The following IQGAP1 variants were observed in gnomAD, a reference collection of about 807,000 sequenced individuals.
IQGAP1 encodes IQ motif containing GTPase activating protein 1, also known as ras GTPase-activating-like protein IQGAP1.
Under a neutral mutation model 215.6 loss-of-function variants are expected in IQGAP1, and 66 were observed. That is an observed-to-expected ratio of 0.31 (90% CI 0.25 to 0.38). The LOEUF is 0.38. Among genes scored for constraint, IQGAP1 ranks in the 10% least tolerant of loss-of-function variants. IQGAP1 has a pLI of 1.00. For missense variants in IQGAP1, 1,712 were observed against 1,997.1 expected, an observed-to-expected ratio of 0.86 and a Z score of 2.72; for synonymous variants, 772 against 728.7, an observed-to-expected ratio of 1.06 and a Z score of -0.96.
In IQGAP1 at chr15:90,494,731, G is replaced by A. The variant is rs2151040511; in HGVS notation, c.4647G>A (p.Arg1549=). ...TTTACAGAGTCTCCAAAAAGCCTAG[G>A]GAAATGAAAGGAAAGAAAAGCAAAA... ...ASKGKVSKKP[R]EMKGKKSKKI... The change falls in exon 36 of 38, where the codon AGG becomes AGA. Residue 1549 remains arginine, a synonymous_variant. Coordinates refer to ENST00000268182, the MANE Select transcript of IQGAP1 (RefSeq NM_003870.4). 1.2e-6 allele frequency: 2 copies of A among 1,609,100 alleles called. No homozygotes were observed. Among genetic ancestry groups the A allele is most frequent in the Non-Finnish European group, 8.5e-7 (1 of 1,177,384 alleles).
rs1465765357 is a variant in IQGAP1 at position 90,426,227 on chromosome 15, C to G, written c.273C>G (p.Ser91=). 1 of 1,601,462 alleles carries G rather than the reference C, an allele frequency of 6.2e-7. No individual in the cohort carries two copies. Among genetic ancestry groups the G allele is most frequent in the East Asian group, 2.3e-5 (1 of 44,086 alleles). ...ACTTCTTCTCTCCCAAAGTAGTGTCCCTGAAAAAAATCTATGATCGAGAAC... is the reference window on the plus strand; with the variant it reads ...ACTTCTTCTCTCCCAAAGTAGTGTCGCTGAAAAAAATCTATGATCGAGAAC... ...LGNFFSPKVV[S]LKKIYDREQT... is the part of the protein sequence containing the mutation. The change falls in exon 3 of 38, where the codon TCC becomes TCG. Residue 91 remains serine, a synonymous_variant. Transcript: ENST00000268182.
chr15:90,447,341 T>G (rs1483701347), intron 9 of IQGAP1, among the ~76,000 whole-genome samples: 1 of 152,170 alleles, frequency 6.6e-6, no homozygotes, highest in East Asian at 1.9e-4. Context: ...TCTTCCGCCC[T>G]TTTTTTAAAT....
At position 90,390,765 on chromosome 15, in the gene IQGAP1, A is replaced by T; in HGVS notation, c.56-9A>T. 6.3e-7 allele frequency: 1 copy of T among 1,576,136 alleles called. No individual in the cohort carries two copies. The highest frequency in any genetic ancestry group is 1.1e-5 in the South Asian group (1 of 90,268). On this transcript the variant is annotated splice_polypyrimidine_tract_variant and intron_variant, in intron 1 of 37. Coordinates refer to ENST00000268182, the MANE Select transcript of IQGAP1 (RefSeq NM_003870.4). Reference sequence around the variant, plus strand: ...TCCTGGTGTTTACATTCTTTCTTTTATGTTGTAGCTGTCCTGGATAATGAA... The same window carrying T: ...TCCTGGTGTTTACATTCTTTCTTTTTTGTTGTAGCTGTCCTGGATAATGAA...
At position 90,466,922 on chromosome 15, in the gene IQGAP1, T is replaced by C. The variant is rs1222044687; in HGVS notation, c.2035+486T>C. ...GCCTGGCCAACATGGTAAAACCCTGTCTCTACTAAAAATACAAAAATTAGC... is the reference window on the plus strand; with the variant it reads ...GCCTGGCCAACATGGTAAAACCCTGCCTCTACTAAAAATACAAAAATTAGC... On this transcript the variant is annotated intron_variant, in intron 17 of 37. Transcript: ENST00000268182. 6.6e-5 allele frequency among the ~76,000 whole-genome samples: 10 copies of C among 152,200 alleles called. No homozygotes were observed. The South Asian group carries it at 1.5e-3, about 22-fold the overall frequency.
rs147352485 is a variant in IQGAP1 at position 90,390,920 on chromosome 15, A to G, written c.155+47A>G. The G allele has an allele frequency of 5.6e-5, 61 of 1,091,400 alleles. 1 individual carries two copies. In the Middle Eastern group the frequency reaches 5.9e-4, roughly 11 times the overall value. 67.6% of individuals were successfully genotyped at this position (1,091,400 alleles called of 1,614,324 possible). A position where few individuals can be genotyped will look rare whatever the true frequency, so the allele number is the denominator to read the frequency against. The stretch of plus-strand genomic sequence containing the variant: ...AGAAGATTAAGAGAAGGGAACTGAT[A>G]ATAGTGTGAATACAAATAAAGATTG... On this transcript the variant is annotated intron_variant, in intron 2 of 37. Transcript: ENST00000268182.
intron 34 of IQGAP1, among the ~76,000 whole-genome samples, 166 bp from the exon 35 acceptor site, chr15:90,492,379 C>T (rs986860980): frequency 8.3e-5 from 12 of 145,016 alleles, no homozygotes; most frequent in Admixed American, 1.4e-4. Flanking sequence ...TACAGGAAGC[C>T]GTCAACCACT....
At chr15:90,390,108 T>C (rs1000068030) in intron 1 of IQGAP1, among the ~76,000 whole-genome samples, 2 of 151,308 alleles carry the variant, frequency 1.3e-5, no homozygotes, top group Non-Finnish European at 2.9e-5. Flanking sequence ...AAGAGGAGAG[T>C]TTCCAAAAAT....
chr15:90,414,012 C>T (rs537210031), intron 2 of IQGAP1, among the ~76,000 whole-genome samples: 15 of 152,248 alleles, frequency 9.9e-5, no homozygotes, highest in African/African-American at 3.6e-4. Flanking sequence ...CCCTCCTTCA[C>T]GTGTTCTTTT....
chr15:90,416,903 A>G (rs941151512), intron 2 of IQGAP1, among the ~76,000 whole-genome samples: 1 of 152,004 alleles, frequency 6.6e-6, no homozygotes, highest in African/African-American at 2.4e-5. Flanking sequence ...AATGATCACT[A>G]TTCTAACTGG....
Position 90,452,804 on chromosome 15 carries a change from G to T in IQGAP1, c.1192G>T (p.Ala398Ser), listed in dbSNP as rs781205005. 6.2e-7 allele frequency: 1 copy of T among 1,614,116 alleles called. No homozygotes were observed. Among genetic ancestry groups the T allele is most frequent in the East Asian group, 2.2e-5 (1 of 44,892 alleles). Reference protein sequence around the residue: ...RLAAVALINAAIQKGVAEKTV... With the variant: ...RLAAVALINASIQKGVAEKTV... The stretch of plus-strand genomic sequence containing the variant: ...GGCAGCAGTAGCACTGATTAATGCT[G>T]CAATCCAGAAGGGTGTTGCTGAGAA... Residue 398 changes from alanine (A) to serine (S), a missense_variant, in exon 12 of 38, where the codon GCA becomes TCA. Physicochemically the swap from Ala to Ser is moderately conservative, Grantham distance 99 (BLOSUM62 1). This residue lies in a region of IQGAP1 where 1,021 missense variants were observed against 1,074.2 expected (regional missense o/e 0.95). Transcript: ENST00000268182.
chr15:90,472,961 C>T lies in IQGAP1; in HGVS notation c.2300C>T (p.Ser767Phe), dbSNP rs759122905. The change falls in exon 19 of 38, where the codon TCC (serine) becomes TTC (phenylalanine). Residue 767 changes from serine to phenylalanine, a missense_variant. Transcript: ENST00000268182. ...TACTTAGTTCGACAGGAATTCCGAT[C>T]CAGGATGAATTTCCTGAAGAAACAA... ...RGYLVRQEFR[S>F]RMNFLKKQIP... 6 of 1,613,922 alleles carry T rather than the reference C, an allele frequency of 3.7e-6. No homozygotes were observed. The South Asian group carries it at 6.6e-5, about 18-fold the overall frequency.
In IQGAP1 at chr15:90,477,875, G is replaced by T; in HGVS notation, c.3315G>T (p.Gln1105His). ...YKSWVNQMESQTGEASKLPYD... is the reference protein window; with the variant it reads ...YKSWVNQMESHTGEASKLPYD... Reference sequence around the variant, plus strand: ...CTTGGGTTAATCAGATGGAGTCTCAGACAGGAGAGGCAAGGTATGTTAACC... The same window carrying T: ...CTTGGGTTAATCAGATGGAGTCTCATACAGGAGAGGCAAGGTATGTTAACC... Residue 1105 changes from glutamine to histidine, a missense_variant, in exon 26 of 38, where the codon CAG becomes CAT. Around this residue, in one of 2 missense-constraint regions of IQGAP1, gnomAD observed 691 missense variants for 923.0 expected, o/e 0.75. Coordinates refer to ENST00000268182, the MANE Select transcript of IQGAP1 (RefSeq NM_003870.4). The T allele has an allele frequency of 1.2e-6, 2 of 1,605,492 alleles. No homozygotes were observed. Among genetic ancestry groups the T allele is most frequent in the South Asian group, 2.2e-5 (2 of 90,886 alleles).
At chr15:90,448,482 C>G (rs1567129661) in intron 9 of IQGAP1, 91 bp from the exon 10 acceptor site, 1 of 1,147,184 alleles carries the variant, frequency 8.7e-7, no homozygotes, top group Admixed American at 2.8e-5. Flanking sequence ...ATTTCCTTAT[C>G]TGGAACTGAG....
intron 3 of IQGAP1, among the ~76,000 whole-genome samples, chr15:90,426,594 T>G (rs1965226048): frequency 3.3e-5 from 5 of 151,652 alleles, no homozygotes; most frequent in Admixed American, 3.3e-4. Flanking sequence ...GAAATTTTCC[T>G]AGTTGTAGAT....
At chr15:90,425,232 C>T (rs1260214465) in intron 2 of IQGAP1, among the ~76,000 whole-genome samples, 2 of 152,116 alleles carry the variant, frequency 1.3e-5, no homozygotes, top group African/African-American at 4.8e-5. Context: ...ATTGCTTGAA[C>T]CCGGGAGGCG....
At chr15:90,433,095 AT>A (rs983939559) in intron 4 of IQGAP1, among the ~76,000 whole-genome samples, 48 of 152,336 alleles carry the variant, frequency 3.2e-4, no homozygotes, top group African/African-American at 9.4e-4. Flanking sequence ...ATAAACACAA[AT>A]GATCGATTTT....
chr15:90,427,093 C>T (rs1301728618), intron 3 of IQGAP1, among the ~76,000 whole-genome samples: 1 of 151,612 alleles, frequency 6.6e-6, no homozygotes, highest in Non-Finnish European at 1.5e-5. Context: ...ATAATGAGAC[C>T]CTGTCTTACA....
chr15:90,414,625 C>CT (rs1272556619), intron 2 of IQGAP1, among the ~76,000 whole-genome samples: 1 of 152,142 alleles, frequency 6.6e-6, no homozygotes, highest in African/African-American at 2.4e-5. Context: ...CAGACGCTAT[C>CT]TTTGTCTCTT....
In IQGAP1 at chr15:90,390,866, G is replaced by T; in HGVS notation, c.148G>T (p.Ala50Ser). 1 of 1,597,512 alleles carries T rather than the reference G, an allele frequency of 6.3e-7. No individual in the cohort carries two copies. The highest frequency in any genetic ancestry group is 2.2e-5 in the East Asian group (1 of 44,790). ...TGAGTACCTTTGTCATTTGGAAGAAGCGAAGAGGTAAAGATTGGCTGGCTG... is the reference window on the plus strand; with the variant it reads ...TGAGTACCTTTGTCATTTGGAAGAATCGAAGAGGTAAAGATTGGCTGGCTG... ...AYEYLCHLEE[A>S]KRWMEACLGE... The change falls in exon 2 of 38, where the codon GCG becomes TCG. Residue 50 changes from alanine to serine, a missense_variant. Physicochemically the swap from Ala to Ser is moderately conservative, Grantham distance 99. Around this residue, in one of 2 missense-constraint regions of IQGAP1, gnomAD observed 1,021 missense variants for 1,074.2 expected, o/e 0.95. Coordinates refer to ENST00000268182, the MANE Select transcript of IQGAP1 (RefSeq NM_003870.4).
Sources: allele counts gnomAD v4.1 joint callset (sites outside exome capture counted in the v4.1 genomes callset), GRCh38; gene constraint gnomAD v4.1.1; regional missense constraint gnomAD v4.1.1; transcripts MANE v1.5; gene names NCBI Gene and HGNC (gene_info 2026-07-23, HGNC 2026-07-21).